RTTN: variants seen among roughly 807,000 people sequenced by gnomAD.
RTTN encodes the protein rotatin.
A neutral mutation model predicts 269.2 loss-of-function variants in RTTN; 182 were observed. The observed-to-expected ratio is 0.68, with a 90% CI of 0.60 to 0.76. RTTN has a LOEUF of 0.76. RTTN is among the 30% of genes least tolerant of loss of function. RTTN has a pLI of 0.00. For missense variants in RTTN, 2,545 were observed against 2,608.6 expected, an observed-to-expected ratio of 0.98 and a Z score of 0.53; for synonymous variants, 1,006 against 963.5, an observed-to-expected ratio of 1.04 and a Z score of -0.82.
At chr18:70,061,262 T>G (rs2057976199) in intron 35 of RTTN, 2 of 441,696 alleles carry the variant, frequency 4.5e-6, no homozygotes, top group South Asian at 3.2e-5. Flanking sequence ...ATAAGGTACC[T>G]GCACCCTACA....
intron 26 of RTTN, among the ~76,000 whole-genome samples, chr18:70,115,495 A>G (rs1423951862): frequency 1.3e-5 from 2 of 148,604 alleles, no homozygotes; most frequent in African/African-American, 4.9e-5. Flanking sequence ...TTTATTAATC[A>G]TCTATGATGC....
At chr18:70,026,694 T>G (rs373765668) in intron 43 of RTTN, among the ~76,000 whole-genome samples, 3 of 152,200 alleles carry the variant, frequency 2.0e-5, no homozygotes, top group African/African-American at 7.2e-5. Flanking sequence ...TATTCCCTTC[T>G]CAGTTGTTTT....
chr18:70,192,495 A>C (rs185038531), intron 8 of RTTN, among the ~76,000 whole-genome samples: 94 of 152,204 alleles, frequency 6.2e-4, no homozygotes, highest in Admixed American at 2.9e-3. Flanking sequence ...AGCCTGGGAA[A>C]CATAGTGAGA....
At chr18:70,110,044 T>TA (rs2059422110) in intron 27 of RTTN, among the ~76,000 whole-genome samples, 1 of 151,750 alleles carries the variant, frequency 6.6e-6, no homozygotes, top group African/African-American at 2.4e-5. Context: ...ACCTCATTTC[T>TA]AAAAAAATGA....
At position 70,109,651 on chromosome 18, in the gene RTTN, T is replaced by C; in HGVS notation, c.3750A>G (p.Lys1250=). The C allele has an allele frequency of 1.2e-6, 2 of 1,614,108 alleles. No individual in the cohort carries two copies. The highest frequency in any genetic ancestry group is 1.7e-6 in the Non-Finnish European group (2 of 1,180,018). ...CATAGAAATGAGGCGCATCCGTCAC[T>C]TTCAGACACTGGAGCAGTTTCAGAG... ...QLALKLLQCL[K]VTDAPHFYGL... The change falls in exon 28 of 49, where the codon AAA becomes AAG. Residue 1250 remains lysine (K), a synonymous_variant. Coordinates refer to ENST00000640769, the MANE Select transcript of RTTN (RefSeq NM_173630.4).
In RTTN at chr18:70,136,335, C is replaced by A. The variant is rs185976517; in HGVS notation, c.2789-1055G>T. On this transcript the variant is annotated intron_variant, in intron 21 of 48. Coordinates refer to ENST00000640769, the MANE Select transcript of RTTN (RefSeq NM_173630.4). ...ACTAGAGAAAGTCCTACTTGAAGAG[C>A]ATGATAAAAAATTGCCCAACTGCCA... Among the ~76,000 whole-genome samples, 514 of 151,920 alleles carry A rather than the reference C, an allele frequency of 3.4e-3. 14 individuals carry two copies. The highest frequency in any genetic ancestry group is 0.027 in the Admixed American group (405 of 15,256).
At chr18:70,049,647 A>G (rs1168017596) in intron 39 of RTTN, among the ~76,000 whole-genome samples, 6 of 152,188 alleles carry the variant, frequency 3.9e-5, no homozygotes, top group African/African-American at 7.2e-5. Context: ...AAATAACTCA[A>G]TTTTGAGTAC....
intron 8 of RTTN, among the ~76,000 whole-genome samples, chr18:70,191,214 A>C (rs1231310083): frequency 6.6e-6 from 1 of 152,120 alleles, no homozygotes; most frequent in Non-Finnish European, 1.5e-5. Context: ...AAAGACTCTA[A>C]ATTGTAAATG....
intron 28 of RTTN, among the ~76,000 whole-genome samples, chr18:70,096,798 C>G (rs1380808912): frequency 2.0e-5 from 3 of 152,208 alleles, no homozygotes; most frequent in Admixed American, 6.5e-5. Context: ...AGGAGGTAGT[C>G]TGTCCCTTAG....
rs2061648425 is a variant in RTTN, at chr18:70,190,636, A to G, written c.1091T>C (p.Leu364Pro). 1 of 1,613,794 alleles carries G rather than the reference A, an allele frequency of 6.2e-7. No individual in the cohort carries two copies. Among genetic ancestry groups the G allele is most frequent in the Non-Finnish European group, 8.5e-7 (1 of 1,179,646 alleles). Reference sequence around the variant, plus strand: ...TAGTTCCAATGTGTCTTCAGTTTCCAGCTCTGGCAGATCTATGTGTCCCAT... The same window carrying G: ...TAGTTCCAATGTGTCTTCAGTTTCCGGCTCTGGCAGATCTATGTGTCCCAT... ...LDMGHIDLPE[L>P]ETEDTLELQF... The change falls in exon 9 of 49, where the codon CTG becomes CCG. Residue 364 changes from leucine (L) to proline (P), a missense_variant. Transcript: ENST00000640769.
intron 32 of RTTN, among the ~76,000 whole-genome samples, chr18:70,082,896 T>C (rs532674199): frequency 6.6e-6 from 1 of 152,236 alleles, no homozygotes; most frequent in African/African-American, 2.4e-5. Context: ...TCTCACTATG[T>C]TGCCCAGGCT....
At chr18:70,106,760 G>T (rs576664903) in intron 28 of RTTN, among the ~76,000 whole-genome samples, 2 of 151,928 alleles carry the variant, frequency 1.3e-5, no homozygotes, top group Admixed American at 1.3e-4. Context: ...AATAGGTAGA[G>T]ATTATATGAT....
chr18:70,083,905 CTT>C (rs5825988), intron 32 of RTTN, among the ~76,000 whole-genome samples: 2 of 145,336 alleles, frequency 1.4e-5, no homozygotes, highest in Non-Finnish European at 3.0e-5. Context: ...GAGACCCCAT[CTT>C]TTTTTTTTTT....
intron 40 of RTTN, among the ~76,000 whole-genome samples, chr18:70,041,303 C>G (rs2057333069): frequency 6.6e-6 from 1 of 151,958 alleles, no homozygotes. Context: ...AGTTAAGACT[C>G]CTAAGGAAAT....
intron 40 of RTTN, among the ~76,000 whole-genome samples, chr18:70,039,408 A>G (rs193045741): frequency 0.017 from 2,453 of 146,654 alleles, 26 homozygotes; most frequent in Middle Eastern, 0.032. Flanking sequence ...TGCTGCAGGG[A>G]AAAAAAAAAA....
Position 70,028,729 on chromosome 18 carries a change from A to G in RTTN, c.5818T>C (p.Cys1940Arg). ...TGAAAAGTAGTTCTACTTACTTTACATTCCTCATTTTGATAAAGACAGTTT... is the reference window on the plus strand; with the variant it reads ...TGAAAAGTAGTTCTACTTACTTTACGTTCCTCATTTTGATAAAGACAGTTT... ...LRNCLYQNEE[C>R]KEAALEAHLV... The change falls in exon 43 of 49, where the codon TGT becomes CGT. Residue 1940 changes from cysteine (C) to arginine (R), a missense_variant. Transcript: ENST00000640769. 1.2e-6 allele frequency: 2 copies of G among 1,603,664 alleles called. No individual in the cohort carries two copies. Among genetic ancestry groups the G allele is most frequent in the Non-Finnish European group, 1.7e-6 (2 of 1,172,602 alleles).
chr18:70,059,979 T>A lies in RTTN; in HGVS notation c.4811A>T (p.Lys1604Ile), dbSNP rs1375044598. The change falls in exon 36 of 49, where the codon AAA becomes ATA. Residue 1604 changes from lysine to isoleucine, a missense_variant. Coordinates refer to ENST00000640769, the MANE Select transcript of RTTN (RefSeq NM_173630.4). The stretch of plus-strand genomic sequence containing the variant: ...AGATGGAGTAACAAAAACACACAGT[T>A]TGGGCAGGGGAGCAGAAAGAGATGA... ...HDSSLSAPLP[K>I]LCVFVTPSLL... 9 of 1,613,944 alleles carry A rather than the reference T, an allele frequency of 5.6e-6. No homozygotes were observed. The highest frequency in any genetic ancestry group is 1.3e-5 in the African/African-American group (1 of 75,004).
intron 41 of RTTN, 142 bp from the exon 42 acceptor site, chr18:70,030,251 T>C (rs2056973841): frequency 1.7e-6 from 1 of 584,050 alleles, no homozygotes; most frequent in Non-Finnish European, 3.0e-6. Context: ...CAGAGATTAA[T>C]GAATCAGAGG....
At position 70,075,352 on chromosome 18, in the gene RTTN, C is replaced by T; in HGVS notation, c.4564G>A (p.Gly1522Ser). 1.9e-6 allele frequency: 3 copies of T among 1,551,230 alleles called. No individual in the cohort carries two copies. The highest frequency in any genetic ancestry group is 2.5e-5 in the South Asian group (2 of 80,962). ...AAAAATACAAAGATATCGTACTTAC[C>T]ATTTAAATCATTGCTTTCTGAATTT... is the stretch of plus-strand genomic sequence containing the variant. ...DRNSESNDLN[G>S]LDDSFKFWRA... Residue 1522 changes from glycine to serine, a missense_variant and splice_region_variant, in exon 33 of 49, where the codon GGT becomes AGT. Coordinates refer to ENST00000640769, the MANE Select transcript of RTTN (RefSeq NM_173630.4).
Sources: allele counts gnomAD v4.1 joint callset (sites outside exome capture counted in the v4.1 genomes callset), GRCh38; gene constraint gnomAD v4.1.1; transcripts MANE v1.5; gene names NCBI Gene and HGNC (gene_info 2026-07-23, HGNC 2026-07-21).